Variants in MYO18B observed in about 807,000 individuals in gnomAD.
MYO18B encodes the protein unconventional myosin-XVIIIb.
In MYO18B, 204 loss-of-function variants were observed where a neutral mutation model predicts 273.0. The ratio of observed to expected loss-of-function variants is 0.75; its 90% CI spans 0.67 to 0.84. The LOEUF is 0.84. Ranked by LOEUF, MYO18B falls within the 40% of genes least tolerant of loss-of-function variation. The probability of loss-of-function intolerance (pLI) is 0.00; values close to 1 mark genes in which losing one functional copy is unlikely to be tolerated. For missense variants in MYO18B, 3,212 were observed against 3,287.6 expected (o/e 0.98, Z 0.56); for synonymous variants, 1,330 against 1,305.7 (o/e 1.02, Z -0.40).
At chr22:25,764,027 T>C (rs1431691185) in intron 3 of MYO18B, among the ~76,000 whole-genome samples, 1 of 152,148 alleles carries the variant, frequency 6.6e-6, no homozygotes, top group Middle Eastern at 3.2e-3. Context: ...TCAGCTGCCA[T>C]GTTTACCCAG....
intron 42 of MYO18B, among the ~76,000 whole-genome samples, chr22:26,014,013 AGTTTATAAT>A (rs1421101339): frequency 7.9e-5 from 12 of 152,188 alleles, no homozygotes; most frequent in Admixed American, 7.9e-4. Context: ...AATGTAACCC[AGTTTATAAT>A]GTTTTCCTTT....
At position 25,968,491 on chromosome 22, in the gene MYO18B, C is replaced by T. The variant is rs561325479; in HGVS notation, c.6156+13127C>T. Among the ~76,000 whole-genome samples, 10 of 152,196 alleles carry T rather than the reference C, an allele frequency of 6.6e-5. No homozygotes were observed. In the South Asian group the frequency reaches 2.1e-3, roughly 32 times the overall value. ...CTCTCTGCCTTGCCACAGGCCCCTT[C>T]TAGGTTTTATCTTCTCTGCTTGTGT... is the stretch of plus-strand genomic sequence containing the variant. On this transcript the variant is annotated intron_variant, in intron 39 of 43. Coordinates refer to ENST00000335473, the MANE Select transcript of MYO18B (RefSeq NM_032608.7).
intron 39 of MYO18B, chr22:25,964,978 C>T (rs921027413): frequency 3.3e-5 from 5 of 152,204 alleles, no homozygotes; most frequent in Admixed American, 2.6e-4. Context: ...GACCCAGAGG[C>T]GACTTCACAG....
At chr22:25,917,762 T>A (rs995885004) in intron 33 of MYO18B, among the ~76,000 whole-genome samples, 1 of 152,226 alleles carries the variant, frequency 6.6e-6, no homozygotes, top group Non-Finnish European at 1.5e-5. Context: ...ATTGCTTTCC[T>A]ACTTTTGGAT....
chr22:26,037,921 G>A, the MYO18B span, among the ~76,000 whole-genome samples: 2 of 152,220 alleles, frequency 1.3e-5, no homozygotes, highest in African/African-American at 2.4e-5. Context: ...AGTCCCAGGA[G>A]TGGGTTTGGA....
At chr22:25,930,487 T>A (rs1460215884) in intron 34 of MYO18B, among the ~76,000 whole-genome samples, 1 of 151,478 alleles carries the variant, frequency 6.6e-6, no homozygotes, top group Non-Finnish European at 1.5e-5. Context: ...TCCTCTGCTG[T>A]CTCGGGGCTA....
At chr22:25,754,043 C>T (rs1239341314) in intron 1 of MYO18B, among the ~76,000 whole-genome samples, 1 of 152,162 alleles carries the variant, frequency 6.6e-6, no homozygotes, top group Non-Finnish European at 1.5e-5. Context: ...CCTGAACTAA[C>T]AAATGTTGAT....
intron 22 of MYO18B, among the ~76,000 whole-genome samples, chr22:25,873,942 C>A (rs903479938): frequency 1.3e-5 from 2 of 152,208 alleles, no homozygotes; most frequent in Non-Finnish European, 2.9e-5. Flanking sequence ...CTCAAAGGAA[C>A]GTGCACAGGA....
intron 11 of MYO18B, among the ~76,000 whole-genome samples, chr22:25,786,409 T>C (rs951100205): frequency 6.6e-6 from 1 of 151,288 alleles, no homozygotes. Context: ...TGGAGGGAAG[T>C]AGATAATTTC....
chr22:26,040,133 G>T, the MYO18B span, among the ~76,000 whole-genome samples: 8 of 152,294 alleles, frequency 5.3e-5, no homozygotes, highest in South Asian at 1.7e-3. Context: ...CCATTTCTGA[G>T]TTACTTCACT....
chr22:25,952,142 C>A, intron 37 of MYO18B, 144 bp from the exon 38 acceptor site: 1 of 909,718 alleles, frequency 1.1e-6, no homozygotes, highest in Non-Finnish European at 1.6e-6. Context: ...CTTGCTTGTG[C>A]AGACATTTAA....
intron 17 of MYO18B, among the ~76,000 whole-genome samples, chr22:25,840,662 G>A (rs2090057235): frequency 6.6e-6 from 1 of 152,226 alleles, no homozygotes; most frequent in Non-Finnish European, 1.5e-5. Context: ...CTAGAATCAA[G>A]GAAATGTATT....
rs752534802 is a variant in MYO18B at position 25,955,201 on chromosome 22, A to G, written c.5993A>G (p.Asp1998Gly). 7 of 1,611,546 alleles carry G rather than the reference A, an allele frequency of 4.3e-6. No homozygotes were observed. The highest frequency in any genetic ancestry group is 1.7e-5 in the Admixed American group (1 of 59,806). Residue 1998 changes from aspartate (D) to glycine (G), a missense_variant, in exon 39 of 44, where the codon GAC becomes GGC. Asp to Gly is a moderately conservative substitution (Grantham distance 94). Coordinates refer to ENST00000335473, the MANE Select transcript of MYO18B (RefSeq NM_032608.7). ...CAGGTCCTGGTGATCCGGCTTCGGG[A>G]CAGCCTGATCAAGATGGGGGAGGAG... The part of the protein sequence containing the change: ...RFEVLVIRLR[D>G]SLIKMGEELS...
chr22:25,923,651 G>A (rs996100817), intron 34 of MYO18B, among the ~76,000 whole-genome samples: 3 of 152,126 alleles, frequency 2.0e-5, no homozygotes, highest in African/African-American at 4.8e-5. Context: ...AGGTGGGTAC[G>A]GAACCTTGAG....
At chr22:25,938,059 C>T (rs1236003821) in intron 34 of MYO18B, among the ~76,000 whole-genome samples, 1 of 152,126 alleles carries the variant, frequency 6.6e-6, no homozygotes, top group East Asian at 1.9e-4. Context: ...CCAAAGACAC[C>T]ATTTCTTAAC....
intron 17 of MYO18B, among the ~76,000 whole-genome samples, chr22:25,839,913 C>T (rs1444092610): frequency 4.6e-5 from 7 of 152,200 alleles, no homozygotes; most frequent in Non-Finnish European, 1.0e-4. Context: ...TGGTGAAACC[C>T]GTGGGCTGTG....
Position 26,011,323 on chromosome 22 carries a change from A to G in MYO18B, c.6470+6468A>G, listed in dbSNP as rs145836349. Among the ~76,000 whole-genome samples the G allele has an allele frequency of 1.5e-4, 23 of 152,168 alleles. 1 individual carries two copies. In the East Asian group the frequency reaches 3.3e-3, roughly 22 times the overall value. ...GAGCCTGAACCAGTCAGAATGGACAAGGGGACTGAAGGAGCCTCTTACCTT... is the reference window on the plus strand; with the variant it reads ...GAGCCTGAACCAGTCAGAATGGACAGGGGGACTGAAGGAGCCTCTTACCTT... On this transcript the variant is annotated intron_variant, in intron 42 of 43. Coordinates refer to ENST00000335473, the MANE Select transcript of MYO18B (RefSeq NM_032608.7).
chr22:25,874,353 T>G lies in MYO18B; in HGVS notation c.4019T>G (p.Ile1340Ser), dbSNP rs2091133492. 2 of 1,613,866 alleles carry G rather than the reference T, an allele frequency of 1.2e-6. No homozygotes were observed. The highest frequency in any genetic ancestry group is 8.5e-7 in the Non-Finnish European group (1 of 1,179,896). ...CGAGAGAAGCTGGTATCTCAGAGCA[T>G]CGTTCTCTTCCAGGCGGCTTGCAAG... ...KQREKLVSQS[I>S]VLFQAACKGF... The change falls in exon 23 of 44, where the codon ATC (isoleucine) becomes AGC (serine). Residue 1340 changes from isoleucine to serine, a missense_variant. Ile to Ser is a moderately radical substitution (Grantham distance 142). Coordinates refer to ENST00000335473, the MANE Select transcript of MYO18B (RefSeq NM_032608.7).
At position 25,768,434 on chromosome 22, in the gene MYO18B, A is replaced by G. The variant is rs1354499591; in HGVS notation, c.518A>G (p.His173Arg). The change falls in exon 4 of 44, where the codon CAT becomes CGT. Residue 173 changes from histidine (H) to arginine (R), a missense_variant. Physicochemically the swap from His to Arg is conservative, Grantham distance 29. Coordinates refer to ENST00000335473, the MANE Select transcript of MYO18B (RefSeq NM_032608.7). ...DSAKPEKTHP[H>R]DAPPCKTSPP... ...GCCAAGCCAGAGAAGACTCATCCCCATGACGCCCCCCCTTGCAAGACCTCT... is the reference window on the plus strand; with the variant it reads ...GCCAAGCCAGAGAAGACTCATCCCCGTGACGCCCCCCCTTGCAAGACCTCT... The G allele has an allele frequency of 1.2e-6, 2 of 1,611,388 alleles. No individual in the cohort carries two copies. The highest frequency in any genetic ancestry group is 2.2e-5 in the East Asian group (1 of 44,774).
Sources: allele counts gnomAD v4.1 joint callset (sites outside exome capture counted in the v4.1 genomes callset), GRCh38; gene constraint gnomAD v4.1.1; transcripts MANE v1.5; gene names NCBI Gene and HGNC (gene_info 2026-07-23, HGNC 2026-07-21).